DENND1A: variants seen among roughly 807,000 people sequenced by gnomAD.
DENND1A encodes DENN domain-containing protein 1A.
A neutral mutation model predicts 113.7 loss-of-function variants in DENND1A; 51 were observed. The ratio of observed to expected loss-of-function variants is 0.45; its 90% CI spans 0.36 to 0.57. The LOEUF is 0.57. DENND1A is among the 20% of genes least tolerant of loss of function. The probability of loss-of-function intolerance (pLI) is 0.00; values close to 1 mark genes in which losing one functional copy is unlikely to be tolerated. For missense variants in DENND1A, 1,258 were observed against 1,395.9 expected (o/e 0.90, Z 1.57); for synonymous variants, 565 against 570.8 (o/e 0.99, Z 0.14).
chr9:123,457,987 CTATT>C (rs1199637746), intron 13 of DENND1A, 90 bp from the exon 14 acceptor site: 96 of 935,700 alleles, frequency 1.0e-4, no homozygotes, highest in Non-Finnish European at 1.5e-4. Flanking sequence ...TCTCCATCTG[CTATT>C]TTTTTTCTTT....
chr9:123,821,305 TTATA>T (rs199767385), intron 2 of DENND1A, among the ~76,000 whole-genome samples: 1 of 152,036 alleles, frequency 6.6e-6, no homozygotes, highest in East Asian at 1.9e-4. Flanking sequence ...TGTTGGAAAA[TTATA>T]TATATATCTC....
Position 123,870,003 on chromosome 9 carries a change from C to CAAA in DENND1A, c.88+8945_88+8947dup, listed in dbSNP as rs11430845. Among the ~76,000 whole-genome samples the CAAA allele has an allele frequency of 3.8e-3, 294 of 78,342 alleles. 2 individuals carry two copies. The highest frequency in any genetic ancestry group is 0.01 in the African/African-American group (260 of 25,260). The allele number at this position is 78,342 out of a possible 152,430, so 51.4% of individuals were successfully genotyped here. ...GGGTGATGAGAGCAAGACCCTGTCT[C>CAAA]AAAAAAAAAAAAAAAAAAAAAGAAT... On this transcript the variant is annotated intron_variant, in intron 2 of 23. Transcript: ENST00000394215.
At chr9:123,743,431 TAATAAA>T (rs994086628) in intron 5 of DENND1A, among the ~76,000 whole-genome samples, 1 of 137,838 alleles carries the variant, frequency 7.3e-6, no homozygotes, top group Non-Finnish European at 1.6e-5. Flanking sequence ...AATAAATAAA[TAATAAA>T]AATAAAAACA....
At chr9:123,499,391 A>G (rs1031710111) in intron 13 of DENND1A, among the ~76,000 whole-genome samples, 2 of 152,248 alleles carry the variant, frequency 1.3e-5, no homozygotes, top group Non-Finnish European at 2.9e-5. Flanking sequence ...GAAAAAGACC[A>G]GAATATCATA....
At chr9:123,717,988 A>T (rs528938348) in intron 5 of DENND1A, among the ~76,000 whole-genome samples, 7 of 152,342 alleles carry the variant, frequency 4.6e-5, no homozygotes, top group Admixed American at 3.9e-4. Context: ...AGCCCACAGA[A>T]GTCACAGTCA....
At chr9:123,608,806 T>C (rs1034814792) in intron 11 of DENND1A, among the ~76,000 whole-genome samples, 4 of 152,194 alleles carry the variant, frequency 2.6e-5, no homozygotes, top group African/African-American at 9.7e-5. Context: ...AGTTACGTTG[T>C]GGTATATCCA....
At chr9:123,387,633 G>A (rs1208596215) in intron 22 of DENND1A, 97 bp downstream of exon 22, 41 of 1,236,766 alleles carry the variant, frequency 3.3e-5, no homozygotes, top group East Asian at 5.8e-5. Context: ...CCCTCCCCCC[G>A]ACACAAAGGC....
intron 2 of DENND1A, among the ~76,000 whole-genome samples, chr9:123,828,848 T>C (rs1169625767): frequency 6.6e-6 from 1 of 152,192 alleles, no homozygotes; most frequent in African/African-American, 2.4e-5. Context: ...AGAACTGTCA[T>C]ACAGTTTCTA....
rs191709482 is a variant in DENND1A at position 123,779,765 on chromosome 9, A to G, written c.133-10202T>C. ...TTCACCCACTTCTGCTCCTTGGCACATTCAAGGAACTGAAAAGCAGCCTGG... is the reference window on the plus strand; with the variant it reads ...TTCACCCACTTCTGCTCCTTGGCACGTTCAAGGAACTGAAAAGCAGCCTGG... On this transcript the variant is annotated intron_variant, in intron 3 of 23. Transcript: ENST00000394215. Among the ~76,000 whole-genome samples the G allele has an allele frequency of 2.0e-5, 3 of 152,292 alleles. No individual in the cohort carries two copies. The East Asian group carries it at 5.8e-4, about 29-fold the overall frequency.
Position 123,909,360 on chromosome 9 carries a change from A to T in DENND1A, c.17+20529T>A, listed in dbSNP as rs1414059927. 2.7e-5 allele frequency among the ~76,000 whole-genome samples: 4 copies of T among 148,440 alleles called. No individual in the cohort carries two copies. The East Asian group carries it at 7.7e-4, about 29-fold the overall frequency. Reference sequence around the variant, plus strand: ...ACTTAAAGTATAAAAAATAAAAATAAAAAAAACAATAAAAAAATAAAATAA... The same window carrying T: ...ACTTAAAGTATAAAAAATAAAAATATAAAAAACAATAAAAAAATAAAATAA... On this transcript the variant is annotated intron_variant, in intron 1 of 23. Coordinates refer to ENST00000394215, the MANE Select transcript of DENND1A (RefSeq NM_001352964.2).
intron 15 of DENND1A, among the ~76,000 whole-genome samples, chr9:123,455,277 T>C (rs2048031408): frequency 1.3e-5 from 2 of 152,188 alleles, no homozygotes. Flanking sequence ...GCCACCTCAC[T>C]GCCTGCTGGC....
intron 12 of DENND1A, among the ~76,000 whole-genome samples, chr9:123,575,077 G>C (rs191016239): frequency 5.6e-4 from 86 of 152,290 alleles, no homozygotes; most frequent in African/African-American, 2.0e-3. Context: ...ATATTTTGTA[G>C]AACAGCAGTC....
chr9:123,757,837 G>C lies in DENND1A; in HGVS notation c.183-15C>G. 1 of 1,611,470 alleles carries C rather than the reference G, an allele frequency of 6.2e-7. No individual in the cohort carries two copies. The highest frequency in any genetic ancestry group is 8.5e-7 in the Non-Finnish European group (1 of 1,178,564). On this transcript the variant is annotated splice_polypyrimidine_tract_variant and intron_variant, in intron 4 of 23. Coordinates refer to ENST00000394215, the MANE Select transcript of DENND1A (RefSeq NM_001352964.2). The stretch of plus-strand genomic sequence containing the variant: ...TAACTGTGAGGCTGCAGCAAAGGCA[G>C]AACAAAGGGGAAAATGAATGTGCAG...
intron 23 of DENND1A, among the ~76,000 whole-genome samples, chr9:123,383,234 C>T (rs1248130297): frequency 7.2e-5 from 11 of 152,368 alleles, no homozygotes; most frequent in Non-Finnish European, 1.5e-4. Flanking sequence ...ATGGATTAGA[C>T]GTCACAGTGG....
Position 123,791,150 on chromosome 9 carries a change from G to A in DENND1A, c.132+1437C>T, listed in dbSNP as rs138884168. On this transcript the variant is annotated intron_variant, in intron 3 of 23. Coordinates refer to ENST00000394215, the MANE Select transcript of DENND1A (RefSeq NM_001352964.2). The stretch of plus-strand genomic sequence containing the variant: ...TTCTCCTATAAAATTCCCTCTCACT[G>A]AGAATTCAGATCATGGAACTACAAA... Among the ~76,000 whole-genome samples the A allele has an allele frequency of 4.2e-3, 641 of 152,214 alleles. 2 individuals carry two copies. Among genetic ancestry groups the A allele is most frequent in the African/African-American group, 0.015 (604 of 41,546 alleles).
chr9:123,751,577 C>T (rs1332116809), intron 5 of DENND1A: 1 of 152,220 alleles, frequency 6.6e-6, no homozygotes, highest in Non-Finnish European at 1.5e-5. Flanking sequence ...AATGTCTACC[C>T]GAAACCAGCT....
chr9:123,868,980 A>C (rs994335582), intron 2 of DENND1A, among the ~76,000 whole-genome samples: 2 of 152,248 alleles, frequency 1.3e-5, no homozygotes, highest in African/African-American at 2.4e-5. Context: ...TCAGTAGAGA[A>C]AGGCAAATTG....
rs543285215 is a variant in DENND1A at position 123,539,194 on chromosome 9, G to A, written c.993+18376C>T. On this transcript the variant is annotated intron_variant, in intron 13 of 23. Transcript: ENST00000394215. ...GACCTGGTATGCCTCCTACAGTCTT[G>A]CAAAAGGGACTGAACCTCAGTCTAT... Among the ~76,000 whole-genome samples the A allele has an allele frequency of 3.3e-5, 5 of 152,178 alleles. No individual in the cohort carries two copies. The South Asian group carries it at 1.0e-3, about 32-fold the overall frequency.
chr9:123,534,036 G>T (rs2055540064), intron 13 of DENND1A, among the ~76,000 whole-genome samples: 1 of 152,170 alleles, frequency 6.6e-6, no homozygotes. Flanking sequence ...CATCTATTTT[G>T]TAATTCCATT....
Sources: gnomAD v4.1 joint callset for allele counts (sites outside exome capture counted in the v4.1 genomes callset) on GRCh38, gnomAD v4.1.1 for gene constraint, MANE v1.5 for transcripts, NCBI Gene and HGNC (gene_info 2026-07-23, HGNC 2026-07-21) for gene names.